CHST11: variants seen among roughly 807,000 people sequenced by gnomAD.
The protein encoded by CHST11 is C4S-1.
Under a neutral mutation model 30.4 loss-of-function variants are expected in CHST11, and 9 were observed. The observed-to-expected ratio is 0.30, with a 90% confidence interval of 0.18 to 0.52. The LOEUF is 0.52. CHST11 is among the 20% of genes least tolerant of loss of function. CHST11 has a pLI of 0.97. For synonymous variants in CHST11, 152 were observed against 187.8 expected, an observed-to-expected ratio of 0.81 and a Z score of 1.56; for missense variants, 348 against 460.6, an observed-to-expected ratio of 0.76 and a Z score of 2.24.
At chr12:104,730,809 C>G (rs770738737) in intron 2 of CHST11, among the ~76,000 whole-genome samples, 2 of 152,184 alleles carry the variant, frequency 1.3e-5, no homozygotes, top group Non-Finnish European at 2.9e-5. Flanking sequence ...AGGTTGAATC[C>G]AAGGCCAACT....
At chr12:104,537,562 G>A (rs1258322417) in intron 1 of CHST11, among the ~76,000 whole-genome samples, 1 of 152,164 alleles carries the variant, frequency 6.6e-6, no homozygotes, top group Non-Finnish European at 1.5e-5. Flanking sequence ...GCCCTGACTG[G>A]TTAAGTTCAA....
At chr12:104,717,421 A>G (rs2040139502) in intron 2 of CHST11, among the ~76,000 whole-genome samples, 1 of 152,168 alleles carries the variant, frequency 6.6e-6, no homozygotes, top group Non-Finnish European at 1.5e-5. Context: ...TCCAGGCTTC[A>G]GGGATTTTTT....
At chr12:104,748,407 GGTGACT>G (rs551375996) in intron 2 of CHST11, among the ~76,000 whole-genome samples, 374 of 152,256 alleles carry the variant, frequency 2.5e-3, no homozygotes, top group Admixed American at 7.8e-3. Context: ...GACTTCCAGA[GGTGACT>G]GTATTTGGAG....
chr12:104,571,641 T>C (rs1029864876), intron 1 of CHST11, among the ~76,000 whole-genome samples: 40 of 152,314 alleles, frequency 2.6e-4, no homozygotes, highest in African/African-American at 9.4e-4. Flanking sequence ...TGATGAAGTT[T>C]GTCTGACTCC....
At chr12:104,626,733 A>G (rs2039219121) in intron 2 of CHST11, among the ~76,000 whole-genome samples, 1 of 151,916 alleles carries the variant, frequency 6.6e-6, no homozygotes. Flanking sequence ...TTCATGGCAA[A>G]ATCGAGCAGA....
chr12:104,656,784 GA>G (rs939619221), intron 2 of CHST11, among the ~76,000 whole-genome samples: 20 of 152,172 alleles, frequency 1.3e-4, no homozygotes, highest in Admixed American at 1.2e-3. Flanking sequence ...CAGTGGAGGA[GA>G]AAGGAAGACC....
intron 1 of CHST11, among the ~76,000 whole-genome samples, chr12:104,574,895 A>G (rs2038667125): frequency 6.6e-6 from 1 of 152,132 alleles, no homozygotes; most frequent in African/African-American, 2.4e-5. Context: ...AGGAACTATT[A>G]AAAATGACTG....
At chr12:104,752,238 C>T (rs1592875471) in intron 2 of CHST11, among the ~76,000 whole-genome samples, 3 of 152,108 alleles carry the variant, frequency 2.0e-5, no homozygotes, top group East Asian at 1.9e-4. Flanking sequence ...TTGCAGTCTC[C>T]GACTCTGTCC....
rs183199977 is a variant in CHST11, at chr12:104,719,164, G to A, written c.205-37785G>A. 9.4e-3 allele frequency among the ~76,000 whole-genome samples: 1,435 copies of A among 152,208 alleles called. 29 individuals carry two copies. Among genetic ancestry groups the A allele is most frequent in the Non-Finnish European group, 0.013 (863 of 68,014 alleles). On this transcript the variant is annotated intron_variant, in intron 2 of 2. Coordinates refer to ENST00000303694, the MANE Select transcript of CHST11 (RefSeq NM_018413.6). ...CTATGGTTCCAGAATGGTGACGCCC[G>A]GAAGCAGACACTCCGCAACGTACTG...
At chr12:104,705,660 C>A (rs769763828) in intron 2 of CHST11, among the ~76,000 whole-genome samples, 6 of 152,144 alleles carry the variant, frequency 3.9e-5, no homozygotes, top group Admixed American at 1.3e-4. Flanking sequence ...GTGGCTCACA[C>A]CTGTGATCCC....
intron 2 of CHST11, among the ~76,000 whole-genome samples, chr12:104,691,579 C>T (rs1351275559): frequency 6.7e-6 from 1 of 149,244 alleles, no homozygotes; most frequent in Non-Finnish European, 1.5e-5. Flanking sequence ...CCTCCAACTC[C>T]CTGGTTCAAG....
chr12:104,513,720 G>A (rs1039955956), intron 1 of CHST11, among the ~76,000 whole-genome samples: 10 of 152,314 alleles, frequency 6.6e-5, no homozygotes, highest in Admixed American at 4.6e-4. Flanking sequence ...AAGAATCTTT[G>A]CTGATTCCAA....
At chr12:104,584,839 G>A (rs561654158) in intron 1 of CHST11, among the ~76,000 whole-genome samples, 48 of 152,218 alleles carry the variant, frequency 3.2e-4, no homozygotes, top group African/African-American at 7.2e-4. Context: ...ATCTTTGCGC[G>A]TCCATCTTTT....
intron 2 of CHST11, among the ~76,000 whole-genome samples, chr12:104,629,218 G>A (rs1345316986): frequency 2.0e-5 from 3 of 152,176 alleles, no homozygotes; most frequent in Non-Finnish European, 2.9e-5. Flanking sequence ...AGCAGTTTAC[G>A]ACAACATACT....
intron 2 of CHST11, among the ~76,000 whole-genome samples, chr12:104,694,196 C>T (rs2039923749): frequency 6.6e-6 from 1 of 152,088 alleles, no homozygotes; most frequent in African/African-American, 2.4e-5. Context: ...CATGGACGTA[C>T]CTACATTAAA....
At chr12:104,564,737 A>G (rs2038545391) in intron 1 of CHST11, among the ~76,000 whole-genome samples, 1 of 152,232 alleles carries the variant, frequency 6.6e-6, no homozygotes, top group Admixed American at 6.5e-5. Context: ...TCATACTGCT[A>G]TCAAGAAATA....
chr12:104,544,040 C>T (rs2038311152), intron 1 of CHST11, among the ~76,000 whole-genome samples: 2 of 151,206 alleles, frequency 1.3e-5, no homozygotes, highest in Middle Eastern at 3.4e-3. Flanking sequence ...GGGAGGATGG[C>T]TGGAGCCCAG....
intron 2 of CHST11, among the ~76,000 whole-genome samples, chr12:104,706,150 G>A (rs1050165662): frequency 7.2e-5 from 11 of 151,806 alleles, no homozygotes; most frequent in Admixed American, 2.6e-4. Flanking sequence ...TTGGGAGGCC[G>A]AGGCGGGCAG....
chr12:104,597,050 G>A (rs900931404), intron 1 of CHST11, among the ~76,000 whole-genome samples: 1 of 152,174 alleles, frequency 6.6e-6, no homozygotes, highest in Non-Finnish European at 1.5e-5. Context: ...AGCACTGAGA[G>A]GGGTCACAGG....
Sources: gnomAD v4.1 joint callset for allele counts (sites outside exome capture counted in the v4.1 genomes callset) on GRCh38, gnomAD v4.1.1 for gene constraint, MANE v1.5 for transcripts, NCBI Gene and HGNC (gene_info 2026-07-23, HGNC 2026-07-21) for gene names.